Variants in STX8 observed in about 807,000 individuals in gnomAD.
The protein encoded by STX8 is syntaxin-8.
In STX8, 23 loss-of-function variants were observed where a neutral mutation model predicts 37.5. That is an observed-to-expected ratio of 0.61 (90% CI 0.44 to 0.87). The LOEUF is 0.87. STX8 is among the 40% of genes least tolerant of loss of function. STX8 has a pLI of 0.00. For missense variants in STX8, 313 were observed against 284.7 expected, an observed-to-expected ratio of 1.10 and a Z score of -0.71; for synonymous variants, 115 against 99.1, an observed-to-expected ratio of 1.16 and a Z score of -0.95.
Position 9,333,606 on chromosome 17 carries a change from G to C in STX8, c.643+44946C>G, listed in dbSNP as rs141192226. On this transcript the variant is annotated intron_variant, in intron 7 of 7. Transcript: ENST00000306357. ...GGGTTTCACTGTGTTAGCCAGGATG[G>C]TCTGGATCTCCTGACCTTGTGATCC... 5.4e-3 allele frequency among the ~76,000 whole-genome samples: 817 copies of C among 152,208 alleles called. 6 individuals are homozygous for C. The highest frequency in any genetic ancestry group is 0.018 in the African/African-American group (768 of 41,518).
chr17:9,300,537 T>A (rs937447338), intron 7 of STX8, among the ~76,000 whole-genome samples: 1 of 152,062 alleles, frequency 6.6e-6, no homozygotes, highest in South Asian at 2.1e-4. Flanking sequence ...CTTGTTGAGC[T>A]TTTATAGCTA....
intron 6 of STX8, among the ~76,000 whole-genome samples, chr17:9,455,994 A>G (rs917430044): frequency 6.6e-6 from 1 of 152,074 alleles, no homozygotes; most frequent in African/African-American, 2.4e-5. Context: ...TGGGGGCACA[A>G]TTTACTCTCC....
chr17:9,493,826 A>C (rs1906962468), intron 5 of STX8, among the ~76,000 whole-genome samples: 1 of 152,142 alleles, frequency 6.6e-6, no homozygotes, highest in African/African-American at 2.4e-5. Flanking sequence ...TCCTGATCAG[A>C]CCCATAGTGA....
intron 3 of STX8, among the ~76,000 whole-genome samples, chr17:9,545,963 G>T (rs1906492642): frequency 6.6e-6 from 1 of 152,186 alleles, no homozygotes; most frequent in South Asian, 2.1e-4. Context: ...TTATATGTGT[G>T]TGTCAGTGTT....
Position 9,545,302 on chromosome 17 carries a change from G to A in STX8, c.213-20C>T. 6.5e-7 allele frequency: 1 copy of A among 1,536,804 alleles called. No individual in the cohort carries two copies. Among genetic ancestry groups the A allele is most frequent in the Non-Finnish European group, 9.0e-7 (1 of 1,116,572 alleles). On this transcript the variant is annotated intron_variant, in intron 3 of 7. Coordinates refer to ENST00000306357, the MANE Select transcript of STX8 (RefSeq NM_004853.3). Reference sequence around the variant, plus strand: ...TGTGTTCTGCAGATATCTTGTTAAGGTTCAATGGTGAATAAATGACCTCGT... The same window carrying A: ...TGTGTTCTGCAGATATCTTGTTAAGATTCAATGGTGAATAAATGACCTCGT...
intron 7 of STX8, among the ~76,000 whole-genome samples, chr17:9,292,223 T>C (rs538236851): frequency 7.2e-5 from 11 of 152,286 alleles, no homozygotes; most frequent in Admixed American, 3.3e-4. Context: ...AATAAATGGG[T>C]ACTAAACATA....
At chr17:9,398,656 T>C (rs764543072) in intron 6 of STX8, among the ~76,000 whole-genome samples, 1 of 152,226 alleles carries the variant, frequency 6.6e-6, no homozygotes, top group Non-Finnish European at 1.5e-5. Flanking sequence ...ATGTGGAGTA[T>C]ACAGGAACCC....
chr17:9,414,800 T>G (rs1913122536), intron 6 of STX8, among the ~76,000 whole-genome samples: 1 of 146,560 alleles, frequency 6.8e-6, no homozygotes, highest in Non-Finnish European at 1.5e-5. Flanking sequence ...TTTTTTTTTT[T>G]TTTTTTTGAG....
chr17:9,396,964 T>C (rs1485607413), intron 6 of STX8, among the ~76,000 whole-genome samples: 1 of 152,172 alleles, frequency 6.6e-6, no homozygotes, highest in Non-Finnish European at 1.5e-5. Context: ...CTAAGTAGCT[T>C]TGGAAATGAG....
chr17:9,513,440 A>C (rs775055977), intron 4 of STX8, among the ~76,000 whole-genome samples: 2 of 152,218 alleles, frequency 1.3e-5, no homozygotes, highest in Non-Finnish European at 2.9e-5. Flanking sequence ...CAGCATTACT[A>C]ATCGTCAGGG....
At chr17:9,263,155 A>C (rs1049635852) in intron 7 of STX8, among the ~76,000 whole-genome samples, 1 of 152,166 alleles carries the variant, frequency 6.6e-6, no homozygotes, top group African/African-American at 2.4e-5. Context: ...CCTGGGTGAC[A>C]GAGTGAGATC....
chr17:9,516,736 A>G (rs1157214583), intron 4 of STX8, among the ~76,000 whole-genome samples: 1 of 152,170 alleles, frequency 6.6e-6, no homozygotes, highest in Non-Finnish European at 1.5e-5. Context: ...ATGAAAACAT[A>G]ATTCTTGCTT....
chr17:9,422,199 G>T (rs1913459857), intron 6 of STX8, among the ~76,000 whole-genome samples: 1 of 151,824 alleles, frequency 6.6e-6, no homozygotes, highest in Admixed American at 6.6e-5. Flanking sequence ...CTGCCTCCTG[G>T]GTTCAAGCAA....
intron 6 of STX8, among the ~76,000 whole-genome samples, chr17:9,445,699 AT>A (rs1371483195): frequency 1.3e-5 from 2 of 152,186 alleles, no homozygotes; most frequent in African/African-American, 4.8e-5. Flanking sequence ...TTTTCAAACC[AT>A]AAAAGACCCA....
intron 4 of STX8, among the ~76,000 whole-genome samples, chr17:9,531,439 T>A (rs919827473): frequency 6.6e-6 from 1 of 152,144 alleles, no homozygotes; most frequent in Non-Finnish European, 1.5e-5. Flanking sequence ...ACTGAAGAGA[T>A]CTGAGCATGG....
chr17:9,530,257 G>A (rs966594568), intron 4 of STX8, among the ~76,000 whole-genome samples: 21 of 149,098 alleles, frequency 1.4e-4, no homozygotes, highest in Non-Finnish European at 2.7e-4. Flanking sequence ...CTTGCAGTGA[G>A]CCGAGATCGC....
intron 6 of STX8, among the ~76,000 whole-genome samples, chr17:9,468,352 C>T (rs1195517659): frequency 6.6e-6 from 1 of 152,132 alleles, no homozygotes; most frequent in African/African-American, 2.4e-5. Context: ...TCAAGTGATC[C>T]AGCCGCCTCG....
Position 9,364,815 on chromosome 17 carries a change from T to C in STX8, c.643+13737A>G, listed in dbSNP as rs1441039866. On this transcript the variant is annotated intron_variant, in intron 7 of 7. Transcript: ENST00000306357. ...TCCCAAAGAGCTGAGATTACAGGCA[T>C]GAGCTACCGCGCCTGGCCGGTATTT... 2.0e-5 allele frequency among the ~76,000 whole-genome samples: 3 copies of C among 152,318 alleles called. No homozygotes were observed. The East Asian group carries it at 5.8e-4, about 29-fold the overall frequency.
intron 6 of STX8, among the ~76,000 whole-genome samples, chr17:9,449,416 C>T (rs1002509071): frequency 6.6e-6 from 1 of 152,150 alleles, no homozygotes; most frequent in Non-Finnish European, 1.5e-5. Flanking sequence ...AAAAATTAGC[C>T]GGACATGGCG....
Sources: gnomAD v4.1 joint callset for allele counts (sites outside exome capture counted in the v4.1 genomes callset) on GRCh38, gnomAD v4.1.1 for gene constraint, MANE v1.5 for transcripts, NCBI Gene and HGNC (gene_info 2026-07-23, HGNC 2026-07-21) for gene names.